UNC13C: variants seen among roughly 807,000 people sequenced by gnomAD.
UNC13C encodes the protein protein unc-13 homolog C.
Under a neutral mutation model 245.4 loss-of-function variants are expected in UNC13C, and 174 were observed. The observed-to-expected ratio is 0.71, with a 90% confidence interval of 0.63 to 0.80. UNC13C has a LOEUF of 0.80. Ranked by LOEUF, UNC13C falls within the 30% of genes least tolerant of loss-of-function variation. The pLI, the probability that UNC13C is intolerant of heterozygous loss-of-function variation, is 0.00. For synonymous variants in UNC13C, 992 were observed against 895.1 expected, an observed-to-expected ratio of 1.11 and a Z score of -1.93; for missense variants, 2,829 against 2,602.9, an observed-to-expected ratio of 1.09 and a Z score of -1.89.
At chr15:54,125,254 G>A (rs2030959707) in intron 2 of UNC13C, among the ~76,000 whole-genome samples, 1 of 152,138 alleles carries the variant, frequency 6.6e-6, no homozygotes, top group Admixed American at 6.5e-5. Flanking sequence ...GTGAGGTCAG[G>A]CATTTGAGAC....
At chr15:54,008,013 C>T (rs1237640806) in intron 1 of UNC13C, among the ~76,000 whole-genome samples, 2 of 152,156 alleles carry the variant, frequency 1.3e-5, no homozygotes, top group African/African-American at 4.8e-5. Flanking sequence ...ACATAAAATA[C>T]TTTACTGCAT....
intron 19 of UNC13C, among the ~76,000 whole-genome samples, chr15:54,415,843 A>T (rs915101610): frequency 1.6e-4 from 24 of 152,306 alleles, no homozygotes; most frequent in Non-Finnish European, 3.2e-4. Flanking sequence ...GTGAGGACTT[A>T]TGATGACGGA....
At chr15:54,407,983 T>C (rs904443721) in intron 18 of UNC13C, among the ~76,000 whole-genome samples, 38 of 151,800 alleles carry the variant, frequency 2.5e-4, no homozygotes, top group South Asian at 1.2e-3. Context: ...GGGCAGATCA[T>C]GAGGTCAGGA....
intron 31 of UNC13C, among the ~76,000 whole-genome samples, 159 bp from the exon 32 acceptor site, chr15:54,623,636 T>A (rs1263913094): frequency 2.0e-5 from 3 of 152,200 alleles, no homozygotes; most frequent in Non-Finnish European, 4.4e-5. Flanking sequence ...AGGTGTGCCT[T>A]CCAGAAAGAA....
At chr15:54,088,264 T>C (rs1899360324) in intron 2 of UNC13C, among the ~76,000 whole-genome samples, 2 of 145,092 alleles carry the variant, frequency 1.4e-5, no homozygotes, top group African/African-American at 5.1e-5. Flanking sequence ...TCTCCTTTCA[T>C]GGCCGTAATT....
intron 13 of UNC13C, chr15:54,320,955 T>C (rs2038138943): frequency 5.1e-6 from 2 of 395,458 alleles, no homozygotes; most frequent in Non-Finnish European, 9.8e-6. Flanking sequence ...AAATCCATTA[T>C]ATTCATCCCC....
chr15:54,489,372 T>A (rs1406075268), intron 19 of UNC13C, among the ~76,000 whole-genome samples: 1 of 152,218 alleles, frequency 6.6e-6, no homozygotes, highest in Non-Finnish European at 1.5e-5. Context: ...TAGCATGAAC[T>A]TAACAAATTT....
the UNC13C span, among the ~76,000 whole-genome samples, chr15:53,858,703 G>T: frequency 1.3e-5 from 2 of 152,102 alleles, no homozygotes; most frequent in African/African-American, 4.8e-5. Flanking sequence ...ACAGGCATGA[G>T]CCACCACACC....
chr15:54,182,791 C>G (rs1011014895), intron 4 of UNC13C, among the ~76,000 whole-genome samples: 1 of 151,714 alleles, frequency 6.6e-6, no homozygotes, highest in Non-Finnish European at 1.5e-5. Flanking sequence ...AAGCATGGAA[C>G]TTTAGGAAAG....
intron 17 of UNC13C, among the ~76,000 whole-genome samples, chr15:54,363,042 G>A (rs2039272900): frequency 6.6e-6 from 1 of 152,170 alleles, no homozygotes; most frequent in African/African-American, 2.4e-5. Flanking sequence ...GAAGGTTGAT[G>A]CCTTTCAGAG....
intron 2 of UNC13C, among the ~76,000 whole-genome samples, chr15:54,138,616 A>G (rs7180894): frequency 0.025 from 3,755 of 152,224 alleles, 156 homozygotes; most frequent in African/African-American, 0.081. Context: ...CCATAGTTCT[A>G]TATTTAATCA....
intron 28 of UNC13C, among the ~76,000 whole-genome samples, chr15:54,554,961 A>C (rs1897028890): frequency 6.6e-6 from 1 of 152,098 alleles, no homozygotes; most frequent in South Asian, 2.1e-4. Context: ...GGCTTTTCCC[A>C]GGAATGAGTA....
At chr15:53,838,079 T>C in the UNC13C span, among the ~76,000 whole-genome samples, 2 of 152,180 alleles carry the variant, frequency 1.3e-5, no homozygotes, top group Non-Finnish European at 2.9e-5. Flanking sequence ...AAAAAAGTTC[T>C]ATAAAACTTT....
rs572612972 is a variant in UNC13C, at chr15:54,014,132, C to G, written c.1229C>G (p.Thr410Ser). 21 of 1,613,718 alleles carry G rather than the reference C, an allele frequency of 1.3e-5. No homozygotes were observed. In the South Asian group the frequency reaches 2.3e-4, roughly 18 times the overall value. The change falls in exon 2 of 33, where the codon ACT becomes AGT. Residue 410 changes from threonine to serine, a missense_variant. By Grantham distance (58) the Thr-to-Ser change is moderately conservative. Coordinates refer to ENST00000260323, the MANE Select transcript of UNC13C (RefSeq NM_001080534.3). ...TGIGISTDIL[T>S]HDIRERKEKG... ...ATTGGAATCTCAACAGATATTCTAA[C>G]TCATGACATCAGAGAAAGAAAAGAG...
chr15:54,087,246 C>T (rs1259634584), intron 2 of UNC13C, among the ~76,000 whole-genome samples: 1 of 151,964 alleles, frequency 6.6e-6, no homozygotes, highest in African/African-American at 2.4e-5. Context: ...ATCAAAGAGT[C>T]TTAAAATTTA....
the UNC13C span, among the ~76,000 whole-genome samples, chr15:53,938,423 C>A: frequency 2.0e-5 from 3 of 151,680 alleles, no homozygotes; most frequent in African/African-American, 7.2e-5. Context: ...CATAATAACA[C>A]CTCACTGACA....
At chr15:54,315,047 T>G (rs1406704299) in intron 13 of UNC13C, among the ~76,000 whole-genome samples, 3 of 151,826 alleles carry the variant, frequency 2.0e-5, no homozygotes, top group Admixed American at 6.6e-5. Context: ...ATTGTTTTTC[T>G]GCTTCCACTG....
chr15:54,027,568 A>G (rs1896167701), intron 2 of UNC13C, among the ~76,000 whole-genome samples: 1 of 152,006 alleles, frequency 6.6e-6, no homozygotes, highest in South Asian at 2.1e-4. Context: ...ATGGGGTTTT[A>G]TCATGTTGGC....
At chr15:54,547,250 CCTTT>C (rs2141177131) in intron 27 of UNC13C, among the ~76,000 whole-genome samples, 1 of 151,424 alleles carries the variant, frequency 6.6e-6, no homozygotes, top group East Asian at 1.9e-4. Context: ...TTTTTTTTCA[CCTTT>C]CTATTATGCT....
Sources: gnomAD v4.1 joint callset for allele counts (sites outside exome capture counted in the v4.1 genomes callset) on GRCh38, gnomAD v4.1.1 for gene constraint, MANE v1.5 for transcripts, NCBI Gene and HGNC (gene_info 2026-07-23, HGNC 2026-07-21) for gene names.